PCDHA10: variants seen among roughly 807,000 people sequenced by gnomAD.
The protein encoded by PCDHA10 is protocadherin alpha 10.
A neutral mutation model predicts 61.2 loss-of-function variants in PCDHA10; 45 were observed. That is an observed-to-expected ratio of 0.74 (90% CI 0.58 to 0.94). PCDHA10 has a LOEUF of 0.94. Ranked by LOEUF, PCDHA10 falls within the 40% of genes least tolerant of loss-of-function variation. The probability of loss-of-function intolerance (pLI) is 0.00; values close to 1 mark genes in which losing one functional copy is unlikely to be tolerated. For missense variants in PCDHA10, 1,278 were observed against 1,236.2 expected, an observed-to-expected ratio of 1.03 and a Z score of -0.51; for synonymous variants, 602 against 548.8, an observed-to-expected ratio of 1.10 and a Z score of -1.35.
In PCDHA10 at chr5:141,010,147, C is replaced by T. The variant is rs895381983; in HGVS notation, c.*210C>T. ...AAGTCTGGTGTTAACTCTTTCTCTC[C>T]ACTCTGGCTTGTTTTCAGAACCTAA... On this transcript the variant is annotated 3_prime_UTR_variant, in exon 4 of 4. Coordinates refer to ENST00000307360, the MANE Select transcript of PCDHA10 (RefSeq NM_018901.4). 3.2e-6 allele frequency: 5 copies of T among 1,583,190 alleles called. No homozygotes were observed. The highest frequency in any genetic ancestry group is 4.3e-6 in the Non-Finnish European group (5 of 1,163,606).
In PCDHA10 at chr5:140,863,367, G is replaced by A. The variant is rs782714685; in HGVS notation, c.2388+4931G>A. The A allele has an allele frequency of 1.5e-5, 18 of 1,191,312 alleles. No homozygotes were observed. The East Asian group carries it at 5.3e-4, about 35-fold the overall frequency. The allele number at this position is 1,191,312 out of a possible 1,614,324, so 73.8% of individuals were successfully genotyped here. A position where few individuals can be genotyped will look rare whatever the true frequency, so the allele number is the denominator to read the frequency against. ...TGTACACGACGCTGCGGTGCTTGGC[G>A]CAGCTCACCGAGAGCTCGTGCATGC... is the stretch of plus-strand genomic sequence containing the variant. On this transcript the variant is annotated intron_variant, in intron 1 of 3. Transcript: ENST00000307360.
rs782473800 is a variant in PCDHA10 at position 140,927,043 on chromosome 5, T to C, written c.2389-51906T>C. On this transcript the variant is annotated intron_variant, in intron 1 of 3. Transcript: ENST00000307360. Reference sequence around the variant, plus strand: ...CTTGAGGCTGCCAGCGGCCGCTATGTCCTCGCGGAACTTTCGCTTCCTTTC... The same window carrying C: ...CTTGAGGCTGCCAGCGGCCGCTATGCCCTCGCGGAACTTTCGCTTCCTTTC... 11 of 1,612,262 alleles carry C rather than the reference T, an allele frequency of 6.8e-6. No homozygotes were observed. Among genetic ancestry groups the C allele is most frequent in the Non-Finnish European group, 9.3e-6 (11 of 1,178,916 alleles).
At chr5:140,950,112 A>G (rs1263517017) in intron 1 of PCDHA10, among the ~76,000 whole-genome samples, 3 of 151,944 alleles carry the variant, frequency 2.0e-5, no homozygotes, top group Non-Finnish European at 4.4e-5. Context: ...ATCTCATACA[A>G]TACAAAACCC....
At chr5:140,931,246 C>A (rs2087398062) in intron 1 of PCDHA10, among the ~76,000 whole-genome samples, 1 of 152,114 alleles carries the variant, frequency 6.6e-6, no homozygotes, top group East Asian at 1.9e-4. Flanking sequence ...ACTTTTCCTA[C>A]CAAGAAATTT....
intron 1 of PCDHA10, chr5:140,882,698 G>C: frequency 1.2e-6 from 2 of 1,614,200 alleles, no homozygotes; most frequent in Non-Finnish European, 1.7e-6. Flanking sequence ...AATCATTGCA[G>C]AATCTAGACC....
chr5:140,992,342 T>C (rs2097506091), intron 3 of PCDHA10, among the ~76,000 whole-genome samples: 1 of 152,102 alleles, frequency 6.6e-6, no homozygotes. Flanking sequence ...AAGATGGAAA[T>C]GTGGAGAGAG....
At chr5:140,864,945 C>A (rs2048665503) in intron 1 of PCDHA10, 1 of 152,120 alleles carries the variant, frequency 6.6e-6, no homozygotes, top group African/African-American at 2.4e-5. Flanking sequence ...GGCCTGTAAT[C>A]CCAGCATTTT....
rs116326633 is a variant in PCDHA10 at position 141,003,488 on chromosome 5, G to A, written c.2537-6139G>A. Reference sequence around the variant, plus strand: ...CACCACAGTCTCGCTAATTTTTATAGTTTTAGTAGAGATGGGGTTTCACCA... The same window carrying A: ...CACCACAGTCTCGCTAATTTTTATAATTTTAGTAGAGATGGGGTTTCACCA... On this transcript the variant is annotated intron_variant, in intron 3 of 3. Transcript: ENST00000307360. 8.1e-3 allele frequency among the ~76,000 whole-genome samples: 1,225 copies of A among 152,062 alleles called. 19 individuals are homozygous for A. The highest frequency in any genetic ancestry group is 0.028 in the African/African-American group (1,155 of 41,502).
chr5:140,918,660 A>G (rs1490487097), intron 1 of PCDHA10, among the ~76,000 whole-genome samples: 1 of 152,200 alleles, frequency 6.6e-6, no homozygotes, highest in Non-Finnish European at 1.5e-5. Context: ...TCTCATGTTG[A>G]TGGTATGAAG....
At chr5:140,963,206 AC>A (rs145404740) in intron 1 of PCDHA10, among the ~76,000 whole-genome samples, 1,595 of 152,188 alleles carry the variant, frequency 0.01, 28 homozygotes, top group African/African-American at 0.037. Context: ...GAAAAAAAAA[AC>A]CTCGTGTTTA....
chr5:140,942,023 A>G (rs1391051051), intron 1 of PCDHA10, among the ~76,000 whole-genome samples: 2 of 152,208 alleles, frequency 1.3e-5, no homozygotes, highest in African/African-American at 4.8e-5. Context: ...TTGGGAAAAA[A>G]TAATTCATAA....
chr5:140,960,588 T>A (rs2095557494), intron 1 of PCDHA10, among the ~76,000 whole-genome samples: 1 of 152,166 alleles, frequency 6.6e-6, no homozygotes, highest in African/African-American at 2.4e-5. Flanking sequence ...ACAGTTCAAA[T>A]TCAAGGTACT....
chr5:140,907,163 T>C (rs1019409387), intron 1 of PCDHA10, among the ~76,000 whole-genome samples: 1 of 152,162 alleles, frequency 6.6e-6, no homozygotes, highest in Non-Finnish European at 1.5e-5. Context: ...TACCATATAT[T>C]GGATGCTGAT....
intron 1 of PCDHA10, among the ~76,000 whole-genome samples, chr5:140,904,695 G>A (rs1276696069): frequency 2.0e-5 from 3 of 152,024 alleles, no homozygotes; most frequent in Admixed American, 2.0e-4. Flanking sequence ...GTGTAAAATT[G>A]TTCCCTTTTC....
chr5:140,865,532 C>T (rs1340228056), intron 1 of PCDHA10: 1 of 152,096 alleles, frequency 6.6e-6, no homozygotes, highest in Non-Finnish European at 1.5e-5. Context: ...TTCTCTTCAT[C>T]CATAGCTATA....
intron 1 of PCDHA10, among the ~76,000 whole-genome samples, chr5:140,922,458 C>A (rs782064554): frequency 6.6e-6 from 1 of 152,160 alleles, no homozygotes; most frequent in Non-Finnish European, 1.5e-5. Context: ...TATTTGTCAA[C>A]ACAAAATAGG....
chr5:140,862,768 G>A (rs1409687409), intron 1 of PCDHA10: 1 of 576,568 alleles, frequency 1.7e-6, no homozygotes, highest in Admixed American at 1.9e-5. Flanking sequence ...CAAGAGGTAC[G>A]CGTTGCAGCC....
At chr5:140,941,718 T>G (rs910042752) in intron 1 of PCDHA10, among the ~76,000 whole-genome samples, 1 of 152,204 alleles carries the variant, frequency 6.6e-6, no homozygotes, top group African/African-American at 2.4e-5. Context: ...CCACAATTTG[T>G]CCTAGCAGTT....
intron 1 of PCDHA10, chr5:140,884,356 C>T: frequency 6.2e-7 from 1 of 1,613,936 alleles, no homozygotes; most frequent in South Asian, 1.1e-5. Flanking sequence ...TGGTGGATGT[C>T]AATGTTTACT....
Sources: allele counts gnomAD v4.1 joint callset (sites outside exome capture counted in the v4.1 genomes callset), GRCh38; gene constraint gnomAD v4.1.1; transcripts MANE v1.5; gene names NCBI Gene and HGNC (gene_info 2026-07-23, HGNC 2026-07-21).